The following RGS3 variants were observed in gnomAD, a reference collection of about 807,000 sequenced individuals.
RGS3 encodes the protein regulator of G-protein signalling 3.
In RGS3, 80 loss-of-function variants were observed where a neutral mutation model predicts 132.6. The observed-to-expected ratio is 0.60, with a 90% confidence interval of 0.50 to 0.73. The LOEUF is 0.73. Ranked by LOEUF, RGS3 falls within the 30% of genes least tolerant of loss-of-function variation. The probability of loss-of-function intolerance (pLI) is 0.00; values close to 1 mark genes in which losing one functional copy is unlikely to be tolerated. For missense variants in RGS3, 1,382 were observed against 1,530.8 expected (o/e 0.90, Z 1.62); for synonymous variants, 598 against 620.6 (o/e 0.96, Z 0.54).
chr9:113,517,485 C>T (rs1831736982), intron 15 of RGS3, 56 bp from the exon 14 acceptor site: 3 of 1,436,962 alleles, frequency 2.1e-6, no homozygotes, highest in African/African-American at 1.4e-5. Context: ...CTTCCTCCCC[C>T]CGGGTCCTCA....
At chr9:113,584,026 G>A in exon 20 of RGS3, 1 of 1,614,192 alleles carries the variant, frequency 6.2e-7, no homozygotes, top group Non-Finnish European at 8.5e-7. Flanking sequence ...GGCAGGGGCA[G>A]AGCAGGGCTG....
At chr9:113,498,712 C>G (rs1189215994) in intron 10 of RGS3, among the ~76,000 whole-genome samples, 1 of 152,060 alleles carries the variant, frequency 6.6e-6, no homozygotes, top group East Asian at 1.9e-4. Context: ...GTAAGGAGTT[C>G]AAGACCAGCC....
At chr9:113,584,352 C>T (rs1166250484) in exon 20 of RGS3, 1 of 1,579,494 alleles carries the variant, frequency 6.3e-7, no homozygotes. Context: ...CTTCGCCCAG[C>T]ACCCTCAAGA....
intron 23 of RGS3, 27 bp downstream of exon 21, chr9:113,595,007 C>T (rs1835687537): frequency 2.1e-5 from 34 of 1,608,018 alleles, no homozygotes; most frequent in Non-Finnish European, 2.9e-5. Flanking sequence ...TGCCCACTCC[C>T]TGTGCCCTCT....
At chr9:113,453,004 A>G (rs1309979124) in intron 1 of RGS3, among the ~76,000 whole-genome samples, 6 of 132,654 alleles carry the variant, frequency 4.5e-5, no homozygotes, top group African/African-American at 1.4e-4. Context: ...ATAAATATAA[A>G]TATATATTAT....
intron 10 of RGS3, 88 bp downstream of exon 8, chr9:113,498,168 C>A: frequency 8.7e-7 from 1 of 1,155,064 alleles, no homozygotes; most frequent in Non-Finnish European, 1.3e-6. Flanking sequence ...AAAGGGGCAG[C>A]ATTTGGTGCT....
intron 18 of RGS3, among the ~76,000 whole-genome samples, chr9:113,533,169 A>G (rs899961576): frequency 2.0e-5 from 3 of 151,696 alleles, no homozygotes; most frequent in African/African-American, 7.3e-5. Flanking sequence ...ACAACAATCC[A>G]TGCCCTTCCT....
intron 19 of RGS3, among the ~76,000 whole-genome samples, chr9:113,545,455 A>G (rs192422915): frequency 6.6e-4 from 101 of 152,202 alleles, no homozygotes; most frequent in Admixed American, 1.8e-3. Context: ...CTCCCTAAAA[A>G]CTGTTTCCAG....
intron 21 of RGS3, among the ~76,000 whole-genome samples, chr9:113,593,184 C>A (rs1451690152): frequency 2.0e-5 from 3 of 152,200 alleles, no homozygotes; most frequent in African/African-American, 7.2e-5. Flanking sequence ...CCAAGACTAG[C>A]TCCAGAGCCT....
chr9:113,470,074 C>A (rs1829782666), intron 3 of RGS3, among the ~76,000 whole-genome samples: 1 of 152,028 alleles, frequency 6.6e-6, no homozygotes, highest in African/African-American at 2.4e-5. Context: ...CCATGCCTGG[C>A]TAATTTTTGT....
Position 113,591,221 on chromosome 9 carries a change from T to A in RGS3, c.3016-112T>A. On this transcript the variant is annotated intron_variant, in intron 20 of 24. Coordinates refer to ENST00000350696, the Ensembl canonical transcript of RGS3. The surrounding 1 kb of genome is among the most constrained non-coding windows in gnomAD (Gnocchi z 4.4). ...TCACCTGTGTGCCGCGGGTGGGGGC[T>A]TTGGGGATGGAAGGGGCTGGTGGCA... 1.1e-6 allele frequency: 1 copy of A among 926,466 alleles called. No homozygotes were observed. The highest frequency in any genetic ancestry group is 1.7e-6 in the Non-Finnish European group (1 of 586,714). 57.4% of individuals were successfully genotyped at this position (926,466 alleles called of 1,614,324 possible).
exon 3 of RGS3, chr9:113,462,117 G>A: frequency 6.2e-7 from 1 of 1,614,158 alleles, no homozygotes; most frequent in Non-Finnish European, 8.5e-7. Flanking sequence ...GCTAAGCCCT[G>A]ATATCGCTCT....
intron 4 of RGS3, 182 bp from the exon 3 acceptor site, chr9:113,482,877 A>G (rs1401061954): frequency 2.1e-6 from 3 of 1,448,360 alleles, no homozygotes; most frequent in African/African-American, 1.4e-5. Flanking sequence ...TTCATAGCCA[A>G]TGGTGGTTAT....
chr9:113,565,645 C>T lies in RGS3; in HGVS notation c.2038-17805C>T, dbSNP rs568182062. The T allele has an allele frequency of 1.1e-4, 29 of 270,766 alleles. 1 individual carries two copies. The highest frequency in any genetic ancestry group is 8.8e-4 in the South Asian group (26 of 29,442). 16.8% of individuals were successfully genotyped at this position (270,766 alleles called of 1,614,324 possible). ...TGCCACAGCCACGGCCGCCCGCCTG[C>T]GGGAGGAGCCGGGTGGAAACCTGGG... On this transcript the variant is annotated intron_variant, in intron 19 of 24. Transcript: ENST00000350696. This position sits in a 1 kb window ranked among gnomAD's most constrained non-coding sequence, Gnocchi z 5.7.
Position 113,591,359 on chromosome 9 carries a change from T to G in RGS3, c.3042T>G (p.Asp1014Glu). 6.2e-7 allele frequency: 1 copy of G among 1,613,698 alleles called. No homozygotes were observed. The highest frequency in any genetic ancestry group is 8.5e-7 in the Non-Finnish European group (1 of 1,179,948). ...TGAGCGGGGCTGACACCGTTGGGGA[T>G]GATGACGAAGCCTCCCGGAAGAGAA... The change falls in exon 21 of 25, where the codon GAT (aspartate) becomes GAG (glutamate). Residue 1014 changes from aspartate (D) to glutamate (E), a missense_variant. Coordinates refer to ENST00000350696, the Ensembl canonical transcript of RGS3. The surrounding 1 kb of genome is among the most constrained non-coding windows in gnomAD (Gnocchi z 4.4).
At chr9:113,485,034 GGTGTGTATGTTTGCATGTGT>G (rs1367224088) in intron 6 of RGS3, among the ~76,000 whole-genome samples, 1 of 151,712 alleles carries the variant, frequency 6.6e-6, no homozygotes, top group Non-Finnish European at 1.5e-5. Context: ...TTTGCGTGTG[GGTGTGTATGTTTGCATGTGT>G]GTGTGTATAT....
At chr9:113,509,260 G>T (rs1477423948) in intron 14 of RGS3, among the ~76,000 whole-genome samples, 3 of 151,794 alleles carry the variant, frequency 2.0e-5, no homozygotes, top group Non-Finnish European at 2.9e-5. Context: ...ACTCTAGCCT[G>T]GGTGACAGAG....
upstream of RGS3, among the ~76,000 whole-genome samples, chr9:113,457,602 G>A (rs1408949546): frequency 6.6e-6 from 1 of 152,210 alleles, no homozygotes; most frequent in Non-Finnish European, 1.5e-5. Context: ...TTGAGCAAGA[G>A]GACTGCTGGG....
At chr9:113,457,193 C>G (rs1259672252), upstream of RGS3, among the ~76,000 whole-genome samples, 1 of 152,198 alleles carries the variant, frequency 6.6e-6, no homozygotes, top group Non-Finnish European at 1.5e-5. Flanking sequence ...TTCAGTTCCT[C>G]AAACGTACAA....
Sources: gnomAD v4.1 joint callset for allele counts (sites outside exome capture counted in the v4.1 genomes callset) on GRCh38, gnomAD v4.1.1 for gene constraint, Gnocchi (gnomAD v3.1) non-coding constraint, MANE v1.5 for transcripts, NCBI Gene and HGNC (gene_info 2026-07-23, HGNC 2026-07-21) for gene names.